Variants in TRAF5 observed in about 807,000 individuals in gnomAD.
The protein encoded by TRAF5 is TNF receptor associated factor 5.
In TRAF5, 48 loss-of-function variants were observed where a neutral mutation model predicts 64.5. That is an observed-to-expected ratio of 0.74 (90% confidence interval 0.59 to 0.95). The LOEUF (loss-of-function observed/expected upper bound fraction) is 0.95, where lower values mean the gene tolerates loss of function less well. TRAF5 is among the 40% of genes least tolerant of loss of function. TRAF5 has a pLI of 0.00. For synonymous variants in TRAF5, 206 were observed against 240.5 expected (o/e 0.86, Z 1.33); for missense variants, 545 against 662.8 (o/e 0.82, Z 1.95).
intron 3 of TRAF5, among the ~76,000 whole-genome samples, chr1:211,355,312 T>A (rs948103912): frequency 2.6e-5 from 4 of 152,186 alleles, no homozygotes; most frequent in Admixed American, 6.5e-5. Context: ...GCACAAAAAA[T>A]TTTCATTTTG....
rs530486378 is a variant in TRAF5 at position 211,339,386 on chromosome 1, A to C, written c.-2+12497A>C. On this transcript the variant is annotated intron_variant, in intron 1 of 10. Coordinates refer to ENST00000261464, the MANE Select transcript of TRAF5 (RefSeq NM_001033910.3). Reference sequence around the variant, plus strand: ...AGGCCTGCGGATTGCAGCAAATCCAACAGGCCCTGCTTCAACCAGAACAGG... The same window carrying C: ...AGGCCTGCGGATTGCAGCAAATCCACCAGGCCCTGCTTCAACCAGAACAGG... Among the ~76,000 whole-genome samples, 8 of 152,350 alleles carry C rather than the reference A, an allele frequency of 5.3e-5. No individual in the cohort carries two copies. The South Asian group carries it at 1.2e-3, about 24-fold the overall frequency.
At chr1:211,356,831 GAC>G (rs987830989) in intron 4 of TRAF5, 2 of 176,692 alleles carry the variant, frequency 1.1e-5, no homozygotes, top group African/African-American at 4.7e-5. Context: ...ACTACAGAAA[GAC>G]ACAATTGTGA....
intron 4 of TRAF5, chr1:211,357,431 C>G (rs972524633): frequency 1.3e-5 from 2 of 152,198 alleles, no homozygotes; most frequent in East Asian, 1.9e-4. Flanking sequence ...AGTCCTAGAG[C>G]AAGGCCTTTT....
At chr1:211,351,483 C>T (rs1016064786) in intron 1 of TRAF5, among the ~76,000 whole-genome samples, 10 of 151,852 alleles carry the variant, frequency 6.6e-5, no homozygotes, top group South Asian at 2.1e-4. Flanking sequence ...TTCGATCTAC[C>T]GCAATGGCAG....
In TRAF5 at chr1:211,372,948, G is replaced by C; in HGVS notation, c.*246G>C. On this transcript the variant is annotated 3_prime_UTR_variant, in exon 11 of 11. Transcript: ENST00000261464. ...ATATTTTTATATTTCTTGAAAGATG[G>C]TAAGTTTCTTGAAGTTTTTGGGGCG... 3.0e-6 allele frequency: 1 copy of C among 337,394 alleles called. No homozygotes were observed. Among genetic ancestry groups the C allele is most frequent in the Non-Finnish European group, 5.3e-6 (1 of 189,358 alleles). The allele number at this position is 337,394 out of a possible 1,614,324, so 20.9% of individuals were successfully genotyped here. A position where few individuals can be genotyped will look rare whatever the true frequency, so the allele number is the denominator to read the frequency against.
At chr1:211,342,438 G>A (rs551188578) in intron 1 of TRAF5, among the ~76,000 whole-genome samples, 127 of 152,092 alleles carry the variant, frequency 8.4e-4, no homozygotes, top group Middle Eastern at 3.4e-3. Context: ...AATCACATCA[G>A]GGTAAATGGG....
At chr1:211,355,951 A>G (rs1202216773) in intron 3 of TRAF5, among the ~76,000 whole-genome samples, 1 of 152,180 alleles carries the variant, frequency 6.6e-6, no homozygotes, top group Admixed American at 6.5e-5. Context: ...CCTTACAGAG[A>G]ATGTTTGCCG....
At chr1:211,331,124 C>T (rs999576713) in intron 1 of TRAF5, among the ~76,000 whole-genome samples, 14 of 152,210 alleles carry the variant, frequency 9.2e-5, no homozygotes, top group African/African-American at 3.4e-4. Flanking sequence ...TCAGCCAGTC[C>T]TGATCTGTCT....
rs1327167843 is a variant in TRAF5, at chr1:211,371,210, G to A, written c.931-92G>A. ...TTCATTCTGTTAATTGATTAAATGT[G>A]ATATGTTTGAATTGAAAAAAATTTT... is the stretch of plus-strand genomic sequence containing the variant. On this transcript the variant is annotated intron_variant, in intron 9 of 10. Coordinates refer to ENST00000261464, the MANE Select transcript of TRAF5 (RefSeq NM_001033910.3). 16 of 1,148,438 alleles carry A rather than the reference G, an allele frequency of 1.4e-5. No individual in the cohort carries two copies. The East Asian group carries it at 4.3e-4, about 31-fold the overall frequency. 71.1% of individuals were successfully genotyped at this position (1,148,438 alleles called of 1,614,324 possible). A position where few individuals can be genotyped will look rare whatever the true frequency, so the allele number is the denominator to read the frequency against.
rs546352286 is a variant in TRAF5 at position 211,332,018 on chromosome 1, A to G, written c.-2+5129A>G. ...ATTGCTGCCACTTTGCCATCTCTGG[A>G]CCAGGTAGACCTCAGGGGCCAGGGT... On this transcript the variant is annotated intron_variant, in intron 1 of 10. Coordinates refer to ENST00000261464, the MANE Select transcript of TRAF5 (RefSeq NM_001033910.3). 3.9e-5 allele frequency among the ~76,000 whole-genome samples: 6 copies of G among 152,230 alleles called. 1 individual carries two copies. Among genetic ancestry groups the G allele is most frequent in the African/African-American group, 1.4e-4 (6 of 41,554 alleles).
At chr1:211,335,129 T>G (rs1702256274) in intron 1 of TRAF5, among the ~76,000 whole-genome samples, 1 of 152,176 alleles carries the variant, frequency 6.6e-6, no homozygotes, top group African/African-American at 2.4e-5. Context: ...AGCACCTCCT[T>G]TATCTAAGGC....
intron 7 of TRAF5, among the ~76,000 whole-genome samples, chr1:211,363,417 G>A (rs1703249209): frequency 6.6e-6 from 1 of 152,136 alleles, no homozygotes; most frequent in Admixed American, 6.5e-5. Flanking sequence ...ATTAAATATA[G>A]TATGTTCTCA....
At position 211,326,881 on chromosome 1, in the gene TRAF5, G is replaced by A. The variant is rs1702029650; in HGVS notation, c.-10G>A. ...ACCGGCCTCGCGGAGCCCGCGCGCCGAGCCCCACGTGAGTCCGGCGGGTCG... is the reference window on the plus strand; with the variant it reads ...ACCGGCCTCGCGGAGCCCGCGCGCCAAGCCCCACGTGAGTCCGGCGGGTCG... On this transcript the variant is annotated 5_prime_UTR_variant, in exon 1 of 11. Coordinates refer to ENST00000261464, the MANE Select transcript of TRAF5 (RefSeq NM_001033910.3). This position sits in a 1 kb window ranked among gnomAD's most constrained non-coding sequence, Gnocchi z 5.0. The A allele has an allele frequency of 2.0e-6, 2 of 985,038 alleles. No individual in the cohort carries two copies. Among genetic ancestry groups the A allele is most frequent in the African/African-American group, 1.8e-5 (1 of 57,112 alleles). The allele number at this position is 985,038 out of a possible 1,614,324, so 61.0% of individuals were successfully genotyped here. A position where few individuals can be genotyped will look rare whatever the true frequency, so the allele number is the denominator to read the frequency against.
intron 4 of TRAF5, chr1:211,359,694 G>C: frequency 2.1e-6 from 1 of 478,742 alleles, no homozygotes; most frequent in Non-Finnish European, 3.7e-6. Context: ...AGCCAAGACT[G>C]GCTTTCCCAT....
rs535836146 is a variant in TRAF5 at position 211,343,708 on chromosome 1, C to T, written c.-1-9531C>T. Among the ~76,000 whole-genome samples, 4 of 152,270 alleles carry T rather than the reference C, an allele frequency of 2.6e-5. No homozygotes were observed. In the South Asian group the frequency reaches 8.3e-4, roughly 32 times the overall value. ...TAGGCTCCATTCACTTCTTTTAATACCCTTCTCTTGCCCTCTGCCTCAATC... is the reference window on the plus strand; with the variant it reads ...TAGGCTCCATTCACTTCTTTTAATATCCTTCTCTTGCCCTCTGCCTCAATC... On this transcript the variant is annotated intron_variant, in intron 1 of 10. Coordinates refer to ENST00000261464, the MANE Select transcript of TRAF5 (RefSeq NM_001033910.3).
chr1:211,346,556 T>C lies in TRAF5; in HGVS notation c.-1-6683T>C, dbSNP rs922894599. On this transcript the variant is annotated intron_variant, in intron 1 of 10. Transcript: ENST00000261464. ...AAGACAAATTTTGTGGACTTATGTCTTATGCACTATAACATAATATATTTA... is the reference window on the plus strand; with the variant it reads ...AAGACAAATTTTGTGGACTTATGTCCTATGCACTATAACATAATATATTTA... 1.5e-5 allele frequency: 6 copies of C among 399,070 alleles called. No individual in the cohort carries two copies. In the East Asian group the frequency reaches 8.0e-4, roughly 54 times the overall value. 24.7% of individuals were successfully genotyped at this position (399,070 alleles called of 1,614,324 possible). A position where few individuals can be genotyped will look rare whatever the true frequency, so the allele number is the denominator to read the frequency against.
chr1:211,361,024 C>G, intron 6 of TRAF5, 64 bp from the exon 7 acceptor site: 1 of 1,538,926 alleles, frequency 6.5e-7, no homozygotes. Flanking sequence ...CTCTTGGCTC[C>G]CTGATTGCTG....
At chr1:211,370,893 G>T (rs1703499228) in intron 9 of TRAF5, among the ~76,000 whole-genome samples, 2 of 152,150 alleles carry the variant, frequency 1.3e-5, no homozygotes, top group Non-Finnish European at 2.9e-5. Flanking sequence ...CAGAACAGGT[G>T]GGCGTATTCC....
In TRAF5 at chr1:211,372,338, G is replaced by T. The variant is rs145871946; in HGVS notation, c.1310G>T (p.Arg437Leu). ...TTCAGCCAGTCCTTCTACACCAGCC[G>T]CTGTGGCTACCGGCTCTGTGCTAGA... Reference protein sequence around the residue: ...SIFSQSFYTSRCGYRLCARAY... With the variant: ...SIFSQSFYTSLCGYRLCARAY... Residue 437 changes from arginine to leucine, a missense_variant, in exon 11 of 11, where the codon CGC becomes CTC. Physicochemically the swap from Arg to Leu is moderately radical, Grantham distance 102 (BLOSUM62 -2). Coordinates refer to ENST00000261464, the MANE Select transcript of TRAF5 (RefSeq NM_001033910.3). 6.2e-7 allele frequency: 1 copy of T among 1,614,132 alleles called. No homozygotes were observed. The highest frequency in any genetic ancestry group is 1.6e-4 in the Middle Eastern group (1 of 6,062).
Sources: allele counts gnomAD v4.1 joint callset (sites outside exome capture counted in the v4.1 genomes callset), GRCh38; gene constraint gnomAD v4.1.1; non-coding constraint Gnocchi (gnomAD v3.1); transcripts MANE v1.5; gene names NCBI Gene and HGNC (gene_info 2026-07-23, HGNC 2026-07-21).